Variants in ADAMTS12 observed in about 807,000 individuals in gnomAD.
The protein encoded by ADAMTS12 is A disintegrin and metalloproteinase with thrombospondin motifs 12.
Under a neutral mutation model 167.8 loss-of-function variants are expected in ADAMTS12, and 118 were observed. The ratio of observed to expected loss-of-function variants is 0.70; its 90% CI spans 0.61 to 0.82. The LOEUF (loss-of-function observed/expected upper bound fraction) is 0.82, where lower values mean the gene tolerates loss of function less well. ADAMTS12 is among the 40% of genes least tolerant of loss of function. The probability of loss-of-function intolerance (pLI) is 0.00; values close to 1 mark genes in which losing one functional copy is unlikely to be tolerated. For synonymous variants in ADAMTS12, 704 were observed against 716.9 expected (o/e 0.98, Z 0.29); for missense variants, 1,916 against 1,998.8 (o/e 0.96, Z 0.79).
chr5:33,780,502 C>T (rs1161387394), intron 2 of ADAMTS12, among the ~76,000 whole-genome samples: 1 of 152,088 alleles, frequency 6.6e-6, no homozygotes, highest in Admixed American at 6.6e-5. Context: ...ACCAGTGGTG[C>T]CTCCTTAAGG....
intron 2 of ADAMTS12, among the ~76,000 whole-genome samples, chr5:33,823,188 A>G (rs1166994112): frequency 6.6e-6 from 1 of 152,126 alleles, no homozygotes; most frequent in Non-Finnish European, 1.5e-5. Flanking sequence ...ATCTATTCTG[A>G]TACTTAATTA....
At chr5:33,580,888 G>A (rs1222185478) in intron 18 of ADAMTS12, among the ~76,000 whole-genome samples, 1 of 152,158 alleles carries the variant, frequency 6.6e-6, no homozygotes, top group East Asian at 1.9e-4. Context: ...TGGGGTCTGG[G>A]AGTTTATACG....
intron 7 of ADAMTS12, among the ~76,000 whole-genome samples, chr5:33,657,374 T>C (rs1184734956): frequency 6.6e-6 from 1 of 152,172 alleles, no homozygotes; most frequent in East Asian, 1.9e-4. Context: ...AGGCAGGGGA[T>C]ATAATTCAGC....
chr5:33,539,129 A>G (rs1744557758), intron 22 of ADAMTS12, among the ~76,000 whole-genome samples: 1 of 151,970 alleles, frequency 6.6e-6, no homozygotes, highest in Admixed American at 6.6e-5. Context: ...TTTAGTAGAG[A>G]TGAGATTTCA....
At chr5:33,672,565 G>C (rs1418062095) in intron 5 of ADAMTS12, among the ~76,000 whole-genome samples, 2 of 152,350 alleles carry the variant, frequency 1.3e-5, no homozygotes, top group Non-Finnish European at 1.5e-5. Flanking sequence ...AGGGGGATTT[G>C]ATTGGATCTG....
At chr5:33,610,539 T>G (rs558701535) in intron 16 of ADAMTS12, among the ~76,000 whole-genome samples, 3 of 152,314 alleles carry the variant, frequency 2.0e-5, no homozygotes, top group African/African-American at 7.2e-5. Flanking sequence ...ATTTAAAATA[T>G]TCCACGGCAC....
intron 22 of ADAMTS12, among the ~76,000 whole-genome samples, 155 bp downstream of exon 22, chr5:33,545,904 T>A (rs562616485): frequency 1.3e-5 from 2 of 151,594 alleles, no homozygotes; most frequent in South Asian, 4.2e-4. Context: ...GAGAAATACC[T>A]AATGTAAATG....
chr5:33,774,127 T>G (rs951568268), intron 2 of ADAMTS12, among the ~76,000 whole-genome samples: 1 of 152,176 alleles, frequency 6.6e-6, no homozygotes, highest in African/African-American at 2.4e-5. Context: ...CACTCGACCC[T>G]AATCTGGTCT....
chr5:33,794,951 A>C (rs6451022), intron 2 of ADAMTS12, among the ~76,000 whole-genome samples: 73,369 of 151,938 alleles, frequency 0.48, 18,154 homozygotes, highest in African/African-American at 0.59. Flanking sequence ...CTCCCAGAGA[A>C]CCCATTATTT....
intron 5 of ADAMTS12, among the ~76,000 whole-genome samples, chr5:33,666,554 A>G (rs1741476187): frequency 6.6e-6 from 1 of 152,054 alleles, no homozygotes. Flanking sequence ...GTGCAGTAGC[A>G]CAAACTCAGC....
chr5:33,682,065 C>T (rs1038822577), intron 5 of ADAMTS12, among the ~76,000 whole-genome samples: 2 of 152,174 alleles, frequency 1.3e-5, no homozygotes, highest in East Asian at 3.8e-4. Context: ...TAGGAAACAA[C>T]CATTTGGGAG....
At chr5:33,594,448 T>C (rs1747812488) in intron 17 of ADAMTS12, among the ~76,000 whole-genome samples, 1 of 152,254 alleles carries the variant, frequency 6.6e-6, no homozygotes, top group Non-Finnish European at 1.5e-5. Context: ...GTATGTATTA[T>C]ATTGTGCCTA....
chr5:33,647,009 G>A (rs1180916359), intron 9 of ADAMTS12, among the ~76,000 whole-genome samples: 1 of 152,064 alleles, frequency 6.6e-6, no homozygotes, highest in Admixed American at 6.5e-5. Context: ...GAGAGAACTA[G>A]TGAACTAGAA....
chr5:33,643,246 C>A (rs929592554), intron 10 of ADAMTS12, 132 bp downstream of exon 10: 3 of 825,366 alleles, frequency 3.6e-6, no homozygotes, highest in Non-Finnish European at 5.9e-6. Context: ...TCTCCTCTGG[C>A]TGGTCTGACT....
chr5:33,811,641 C>T (rs1427261833), intron 2 of ADAMTS12, among the ~76,000 whole-genome samples: 1 of 152,178 alleles, frequency 6.6e-6, no homozygotes, highest in African/African-American at 2.4e-5. Flanking sequence ...TCCAGGGCCC[C>T]ATACGTTGCA....
Position 33,756,934 on chromosome 5 carries a change from T to C in ADAMTS12, c.490-5386A>G, listed in dbSNP as rs569686875. Reference sequence around the variant, plus strand: ...TTGGGAGCCACTAACCCCATGCAGCTGTTGAGCACTTGAGATATAGCCAAT... The same window carrying C: ...TTGGGAGCCACTAACCCCATGCAGCCGTTGAGCACTTGAGATATAGCCAAT... On this transcript the variant is annotated intron_variant, in intron 2 of 23. Coordinates refer to ENST00000504830, the MANE Select transcript of ADAMTS12 (RefSeq NM_030955.4). Among the ~76,000 whole-genome samples, 5 of 152,352 alleles carry C rather than the reference T, an allele frequency of 3.3e-5. No homozygotes were observed. In the East Asian group the frequency reaches 9.6e-4, roughly 29 times the overall value.
chr5:33,683,136 C>G (rs115115182), intron 4 of ADAMTS12, 35 bp from the exon 5 acceptor site: 3 of 1,454,404 alleles, frequency 2.1e-6, no homozygotes, highest in Non-Finnish European at 1.9e-6. Flanking sequence ...TAGCTCCACA[C>G]GAAGAGATAA....
intron 6 of ADAMTS12, among the ~76,000 whole-genome samples, chr5:33,660,455 C>G (rs1741218056): frequency 6.6e-6 from 1 of 152,168 alleles, no homozygotes; most frequent in Non-Finnish European, 1.5e-5. Context: ...ATAGACATAG[C>G]ACAGTGCCTG....
At chr5:33,785,380 A>G (rs901821131) in intron 2 of ADAMTS12, among the ~76,000 whole-genome samples, 4 of 152,184 alleles carry the variant, frequency 2.6e-5, no homozygotes, top group Non-Finnish European at 4.4e-5. Flanking sequence ...ATGAAAAGAT[A>G]TAATGCAGAC....
Sources: gnomAD v4.1 joint callset for allele counts (sites outside exome capture counted in the v4.1 genomes callset) on GRCh38, gnomAD v4.1.1 for gene constraint, MANE v1.5 for transcripts, NCBI Gene and HGNC (gene_info 2026-07-23, HGNC 2026-07-21) for gene names.